Variants in EXOSC10 observed in about 807,000 individuals in gnomAD.
The protein encoded by EXOSC10 is exosome component 10, also known as exosome complex component 10.
EXOSC10 carries 94 observed loss-of-function variants against 126.6 expected under a neutral mutation model. That is an observed-to-expected ratio of 0.74 (90% CI 0.63 to 0.88). The LOEUF is 0.88. EXOSC10 is among the 40% of genes least tolerant of loss of function. The pLI, the probability that EXOSC10 is intolerant of heterozygous loss-of-function variation, is 0.00. For missense variants in EXOSC10, 1,041 were observed against 1,100.5 expected (o/e 0.95, Z 0.77); for synonymous variants, 395 against 400.8 (o/e 0.99, Z 0.17).
intron 9 of EXOSC10, among the ~76,000 whole-genome samples, chr1:11,084,973 TTCTATTGA>T (rs1640410836): frequency 6.6e-6 from 1 of 152,180 alleles, no homozygotes; most frequent in Admixed American, 6.5e-5. Flanking sequence ...CTCTGTTCTG[TTCTATTGA>T]TCTATATCTC....
chr1:11,080,596 A>C (rs1355672104), intron 12 of EXOSC10, 47 bp from the exon 13 acceptor site: 1 of 1,535,612 alleles, frequency 6.5e-7, no homozygotes. Flanking sequence ...ACACACACAC[A>C]CACACACACG....
chr1:11,097,466 C>T (rs139805696), intron 2 of EXOSC10, among the ~76,000 whole-genome samples: 1,726 of 152,250 alleles, frequency 0.011, 68 homozygotes, highest in South Asian at 0.068. Context: ...GTGGCTCACG[C>T]CTGTAATCCC....
At chr1:11,095,067 C>T (rs1640997523) in intron 3 of EXOSC10, among the ~76,000 whole-genome samples, 1 of 151,966 alleles carries the variant, frequency 6.6e-6, no homozygotes, top group Admixed American at 6.6e-5. Context: ...CAAAAATTAG[C>T]CAGGAATAGT....
intron 24 of EXOSC10, among the ~76,000 whole-genome samples, chr1:11,067,247 T>C (rs74525945): frequency 0.034 from 5,109 of 152,116 alleles, 205 homozygotes; most frequent in Admixed American, 0.12. Context: ...CTGGCTAACA[T>C]GGTGAAACCC....
At chr1:11,077,255 T>G (rs1639869443) in intron 16 of EXOSC10, 110 bp downstream of exon 16, 1 of 1,127,434 alleles carries the variant, frequency 8.9e-7, no homozygotes. Flanking sequence ...CCTTCCAATA[T>G]GCTGGCATTA....
chr1:11,093,302 T>C (rs1019722105), intron 3 of EXOSC10, among the ~76,000 whole-genome samples: 3 of 152,204 alleles, frequency 2.0e-5, no homozygotes, highest in Non-Finnish European at 4.4e-5. Flanking sequence ...ATACATTAAA[T>C]ATAGAAGTAC....
At chr1:11,083,562 CAAAAAAAAAAAAA>C (rs35412224) in intron 9 of EXOSC10, among the ~76,000 whole-genome samples, 1 of 65,898 alleles carries the variant, frequency 1.5e-5, no homozygotes, top group Non-Finnish European at 2.7e-5. Flanking sequence ...AACTCCGTCT[CAAAAAAAAAAAAA>C]AAAAAAAAAA....
Position 11,068,052 on chromosome 1 carries a change from C to A in EXOSC10, c.2583G>T (p.Ser861=). The A allele has an allele frequency of 1.9e-6, 3 of 1,614,096 alleles. No individual in the cohort carries two copies. The highest frequency in any genetic ancestry group is 2.5e-6 in the Non-Finnish European group (3 of 1,180,002). ...KCIAAKKIKQ[S]VGNKSMSFPT... ...GAAAGGACATGCTTTTGTTTCCCAC[C>A]GACTGTTTAATTTTTTTGGCTGCAA... Residue 861 remains serine (S), a synonymous_variant, in exon 24 of 25, where the codon TCG becomes TCT. Coordinates refer to ENST00000376936, the MANE Select transcript of EXOSC10 (RefSeq NM_001001998.3).
At position 11,091,043 on chromosome 1, in the gene EXOSC10, T is replaced by A; in HGVS notation, c.614A>T (p.Lys205Ile). The change falls in exon 5 of 25, where the codon AAA becomes ATA. Residue 205 changes from lysine (K) to isoleucine (I), a missense_variant. Lys to Ile is a moderately radical substitution (Grantham distance 102). This residue lies in a region of EXOSC10 where 645 missense variants were observed against 656.3 expected (regional missense o/e 0.98). Transcript: ENST00000376936. ...NTPFLPKIFI[K>I]PNAQKPLPQA... is the part of the protein sequence containing the mutation. ...AGGGAGAGGTTTCTGAGCATTGGGT[T>A]TGATGAAGATTTTAGGAAGAAATGG... 1 of 1,614,184 alleles carries A rather than the reference T, an allele frequency of 6.2e-7. No homozygotes were observed.
At chr1:11,072,294 A>C in intron 19 of EXOSC10, 123 bp from the exon 20 acceptor site, 1 of 667,990 alleles carries the variant, frequency 1.5e-6, no homozygotes, top group South Asian at 1.9e-5. Context: ...TAAGTCATAA[A>C]TTTTCAAATC....
At chr1:11,078,385 G>A (rs998404530) in intron 14 of EXOSC10, among the ~76,000 whole-genome samples, 1 of 151,358 alleles carries the variant, frequency 6.6e-6, no homozygotes, top group African/African-American at 2.4e-5. Flanking sequence ...AGCCTCCCAA[G>A]TAGCTGGGAC....
rs763721440 is a variant in EXOSC10, at chr1:11,081,101, C to T, written c.1418G>A (p.Ser473Asn). Residue 473 changes from serine (S) to asparagine (N), a missense_variant, in exon 11 of 25, where the codon AGC becomes AAC. Transcript: ENST00000376936. Reference sequence around the variant, plus strand: ...GTGTACCTTGAGGCAGATGTCCCTGCTCCGTTGCCACACCACCTGCAGCTG... The same window carrying T: ...GTGTACCTTGAGGCAGATGTCCCTGTTCCGTTGCCACACCACCTGCAGCTG... ...PVQLQVVWQRSRDICLKKFIK... is the reference protein window; with the variant it reads ...PVQLQVVWQRNRDICLKKFIK... 10 of 1,614,088 alleles carry T rather than the reference C, an allele frequency of 6.2e-6. No individual in the cohort carries two copies. The highest frequency in any genetic ancestry group is 5.0e-5 in the Admixed American group (3 of 60,002).
At chr1:11,079,843 A>T in intron 13 of EXOSC10, 21 bp from the exon 14 acceptor site, 1 of 1,573,576 alleles carries the variant, frequency 6.4e-7, no homozygotes, top group Non-Finnish European at 8.7e-7. Flanking sequence ...GTAAGAACAC[A>T]CTCAACTTGT....
Position 11,068,722 on chromosome 1 carries a change from T to TGA in EXOSC10, c.2489-18_2489-17dup. The stretch of plus-strand genomic sequence containing the variant: ...TTGCTGTTTCCTGAAAGGTAAGAGA[T>TGA]GAGAGAGACCTGCGGTCAGGTCAAT... On this transcript the variant is annotated splice_polypyrimidine_tract_variant and intron_variant, in intron 22 of 24. Transcript: ENST00000376936. 1 of 1,611,222 alleles carries TGA rather than the reference T, an allele frequency of 6.2e-7. No homozygotes were observed. The highest frequency in any genetic ancestry group is 8.5e-7 in the Non-Finnish European group (1 of 1,177,326).
At chr1:11,070,789 C>T in intron 21 of EXOSC10, 111 bp downstream of exon 21, 2 of 927,744 alleles carry the variant, frequency 2.2e-6, no homozygotes, top group South Asian at 3.3e-5. Flanking sequence ...GGAAAGAAGT[C>T]AGGACTTAAT....
At chr1:11,077,270 C>T (rs541149821) in intron 16 of EXOSC10, 95 bp downstream of exon 16, 89 of 1,294,930 alleles carry the variant, frequency 6.9e-5, no homozygotes, top group Non-Finnish European at 4.7e-5. Context: ...GCATTACAGG[C>T]ATAAGCCACC....
In EXOSC10 at chr1:11,091,613, G is replaced by C. The variant is rs997203256; in HGVS notation, c.373-16C>G. The stretch of plus-strand genomic sequence containing the variant: ...GTAAAATACCCTAAGAGTAGAAGAG[G>C]TACTGGTTAAGCATTTTTCCTTTTG... On this transcript the variant is annotated splice_polypyrimidine_tract_variant and intron_variant, in intron 3 of 24. Transcript: ENST00000376936. The C allele has an allele frequency of 6.3e-7, 1 of 1,591,908 alleles. No homozygotes were observed. Among genetic ancestry groups the C allele is most frequent in the Non-Finnish European group, 8.6e-7 (1 of 1,161,332 alleles).
intron 2 of EXOSC10, 53 bp from the exon 3 acceptor site, chr1:11,095,934 C>T (rs1641058721): frequency 1.3e-6 from 2 of 1,579,394 alleles, no homozygotes; most frequent in Admixed American, 3.4e-5. Context: ...CACTTGTTTA[C>T]ATTCTGTGAG....
Position 11,080,561 on chromosome 1 carries a change from A to ACACAC in EXOSC10, c.1587-13_1587-12insGTGTG, listed in dbSNP as rs1557704190. The stretch of plus-strand genomic sequence containing the variant: ...TTGGCAGTACATATCTGGAAAAAAA[A>ACACAC]AAACACACACACACACACACACACA... On this transcript the variant is annotated splice_polypyrimidine_tract_variant and intron_variant, in intron 12 of 24. Coordinates refer to ENST00000376936, the MANE Select transcript of EXOSC10 (RefSeq NM_001001998.3). The ACACAC allele has an allele frequency of 1.4e-4, 213 of 1,504,712 alleles. No homozygotes were observed. In the African/African-American group the frequency reaches 2.5e-3, roughly 17 times the overall value. The allele number at this position is 1,504,712 out of a possible 1,614,324, so 93.2% of individuals were successfully genotyped here.
Sources: gnomAD v4.1 joint callset for allele counts (sites outside exome capture counted in the v4.1 genomes callset) on GRCh38, gnomAD v4.1.1 for gene constraint, gnomAD v4.1.1 regional missense constraint, MANE v1.5 for transcripts, NCBI Gene and HGNC (gene_info 2026-07-23, HGNC 2026-07-21) for gene names.